FAM110B: variants seen among roughly 807,000 people sequenced by gnomAD.
The protein encoded by FAM110B is family with sequence similarity 110 member B.
FAM110B carries 6 observed loss-of-function variants against 20.4 expected under a neutral mutation model. That is an observed-to-expected ratio of 0.29 (90% CI 0.16 to 0.58). The LOEUF is 0.58. FAM110B is among the 20% of genes least tolerant of loss of function. The probability of loss-of-function intolerance (pLI) is 0.90; values close to 1 mark genes in which losing one functional copy is unlikely to be tolerated. For missense variants in FAM110B, 434 were observed against 498.2 expected, an observed-to-expected ratio of 0.87 and a Z score of 1.23; for synonymous variants, 226 against 214.1, an observed-to-expected ratio of 1.06 and a Z score of -0.49.
intron 3 of FAM110B, among the ~76,000 whole-genome samples, chr8:58,104,649 A>G (rs1387393090): frequency 6.6e-6 from 1 of 152,200 alleles, no homozygotes; most frequent in Non-Finnish European, 1.5e-5. Context: ...TGTGATAGAC[A>G]TTTTCAAAAA....
At chr8:58,137,494 AG>A (rs1156469695) in intron 3 of FAM110B, among the ~76,000 whole-genome samples, 2 of 152,064 alleles carry the variant, frequency 1.3e-5, no homozygotes, top group African/African-American at 4.8e-5. Flanking sequence ...TAGGAGGCGG[AG>A]GTTGCAGTGA....
intron 2 of FAM110B, among the ~76,000 whole-genome samples, chr8:58,040,020 A>T (rs1805177978): frequency 6.6e-6 from 1 of 152,018 alleles, no homozygotes; most frequent in Admixed American, 6.5e-5. Flanking sequence ...AAAAAAATTT[A>T]AATTTTTTGT....
chr8:58,042,755 CTG>C (rs1207295942), intron 2 of FAM110B, among the ~76,000 whole-genome samples: 4 of 152,200 alleles, frequency 2.6e-5, no homozygotes, highest in African/African-American at 9.7e-5. Context: ...CTATCTAAAA[CTG>C]TAATCCACAT....
At chr8:58,132,260 G>A (rs1295545778) in intron 3 of FAM110B, among the ~76,000 whole-genome samples, 3 of 152,062 alleles carry the variant, frequency 2.0e-5, no homozygotes, top group Admixed American at 2.0e-4. Flanking sequence ...CTCCAGCACA[G>A]CAAGTACTCC....
chr8:58,074,791 A>G (rs1805992558), intron 2 of FAM110B, among the ~76,000 whole-genome samples: 1 of 152,098 alleles, frequency 6.6e-6, no homozygotes, highest in African/African-American at 2.4e-5. Context: ...CCTCACCTTG[A>G]ATGGGCCTCA....
intron 3 of FAM110B, among the ~76,000 whole-genome samples, chr8:58,084,687 G>A (rs1806287932): frequency 6.6e-6 from 1 of 151,920 alleles, no homozygotes; most frequent in African/African-American, 2.4e-5. Flanking sequence ...CGTGCCTGGT[G>A]AAATCTCCGT....
At chr8:58,061,405 A>C (rs560146614) in intron 2 of FAM110B, among the ~76,000 whole-genome samples, 67 of 151,912 alleles carry the variant, frequency 4.4e-4, no homozygotes, top group African/African-American at 1.6e-3. Context: ...GGCTTGACTC[A>C]GACTTTATGA....
intron 3 of FAM110B, among the ~76,000 whole-genome samples, chr8:58,130,322 C>T (rs769169779): frequency 1.3e-4 from 20 of 152,108 alleles, no homozygotes; most frequent in Non-Finnish European, 2.2e-4. Context: ...CATATATTGC[C>T]GCCTCTACGA....
intron 3 of FAM110B, among the ~76,000 whole-genome samples, chr8:58,129,490 G>A (rs1013283259): frequency 6.6e-6 from 1 of 152,204 alleles, no homozygotes; most frequent in African/African-American, 2.4e-5. Flanking sequence ...CCCCCTTCGG[G>A]GCCCCTGTTG....
At chr8:58,030,396 G>A (rs1042857581) in intron 1 of FAM110B, among the ~76,000 whole-genome samples, 1 of 152,144 alleles carries the variant, frequency 6.6e-6, no homozygotes, top group African/African-American at 2.4e-5. Flanking sequence ...ATCAATCTTA[G>A]TTGTTATTTA....
intron 1 of FAM110B, among the ~76,000 whole-genome samples, chr8:58,007,791 G>A (rs1804441462): frequency 6.6e-6 from 1 of 152,124 alleles, no homozygotes; most frequent in African/African-American, 2.4e-5. Context: ...TGGTTTATAA[G>A]CTGTCTAGTT....
At chr8:58,139,529 G>A (rs750272127) in intron 3 of FAM110B, among the ~76,000 whole-genome samples, 3 of 152,184 alleles carry the variant, frequency 2.0e-5, no homozygotes, top group Admixed American at 6.5e-5. Flanking sequence ...TCCTCCATTC[G>A]CTCTTTCACT....
At chr8:58,035,463 GA>G (rs1226409453) in intron 2 of FAM110B, among the ~76,000 whole-genome samples, 2 of 152,214 alleles carry the variant, frequency 1.3e-5, no homozygotes, top group South Asian at 4.1e-4. Flanking sequence ...TCGTATACTT[GA>G]AACTAATGAC....
At chr8:58,030,524 C>T (rs1804942089) in intron 1 of FAM110B, among the ~76,000 whole-genome samples, 3 of 152,136 alleles carry the variant, frequency 2.0e-5, no homozygotes, top group Admixed American at 2.0e-4. Flanking sequence ...TCCAGAAAGG[C>T]GATGATAGTG....
At chr8:58,040,802 C>A (rs934513930) in intron 2 of FAM110B, among the ~76,000 whole-genome samples, 1 of 152,092 alleles carries the variant, frequency 6.6e-6, no homozygotes, top group East Asian at 1.9e-4. Context: ...TGAAAATGTC[C>A]ACTTATGATA....
intron 2 of FAM110B, among the ~76,000 whole-genome samples, chr8:58,043,481 T>C (rs958469008): frequency 2.0e-5 from 3 of 151,494 alleles, no homozygotes; most frequent in Non-Finnish European, 4.4e-5. Context: ...TATATATATT[T>C]TTTATTATTA....
At chr8:58,105,528 G>A (rs1806884060) in intron 3 of FAM110B, among the ~76,000 whole-genome samples, 1 of 133,082 alleles carries the variant, frequency 7.5e-6, no homozygotes, top group Admixed American at 7.7e-5. Context: ...GTGAAACCTT[G>A]TCTGAAAATG....
At chr8:58,028,305 G>A (rs1804892317) in intron 1 of FAM110B, among the ~76,000 whole-genome samples, 1 of 152,030 alleles carries the variant, frequency 6.6e-6, no homozygotes, top group Admixed American at 6.5e-5. Context: ...GGGTTTCACC[G>A]TGTCAGCCAG....
At chr8:58,001,872 G>T (rs1804303581) in intron 1 of FAM110B, among the ~76,000 whole-genome samples, 1 of 152,168 alleles carries the variant, frequency 6.6e-6, no homozygotes, top group African/African-American at 2.4e-5. Context: ...GAAAAAAAGA[G>T]ATTTATTACA....
Sources: gnomAD v4.1 joint callset for allele counts (sites outside exome capture counted in the v4.1 genomes callset) on GRCh38, gnomAD v4.1.1 for gene constraint, MANE v1.5 for transcripts, NCBI Gene and HGNC (gene_info 2026-07-23, HGNC 2026-07-21) for gene names.